RNF128: variants seen among roughly 807,000 people sequenced by gnomAD.
RNF128 encodes the protein ring finger protein 128, also known as E3 ubiquitin-protein ligase RNF128.
In RNF128, 13 loss-of-function variants were observed where a neutral mutation model predicts 26.2. The ratio of observed to expected loss-of-function variants is 0.50; its 90% CI spans 0.32 to 0.79. The LOEUF is 0.79. Ranked by LOEUF, RNF128 falls within the 30% of genes least tolerant of loss-of-function variation. The pLI is 0.03. For synonymous variants in RNF128, 149 were observed against 142.5 expected (o/e 1.05, Z -0.32); for missense variants, 315 against 349.7 (o/e 0.90, Z 0.79).
At chrX:106,695,051 A>G (rs1389935224) in intron 1 of RNF128, among the ~76,000 whole-genome samples, 1 of 111,694 alleles carries the variant, frequency 9.0e-6, no homozygotes, top group Non-Finnish European at 1.9e-5. Flanking sequence ...TTCTTAAGTA[A>G]ATAGAAACTT....
At chrX:106,779,465 TC>T (rs1355381313) in intron 2 of RNF128, among the ~76,000 whole-genome samples, 1 of 108,513 alleles carries the variant, frequency 9.2e-6, no homozygotes, top group Non-Finnish European at 1.9e-5. Context: ...CAGGATTTAT[TC>T]ATCTAAAAAA....
chrX:106,773,152 A>G lies in RNF128; in HGVS notation c.724A>G (p.Arg242Gly), dbSNP rs970188951. ...GCTACGGAATGCAAGAGCTCAAAGC[A>G]GGAAGCAGGTTTGTAATGGTCCTTT... ...RRLRNARAQS[R>G]KQRQLKADAK... The change falls in exon 2 of 7, where the codon AGG becomes GGG. Residue 242 changes from arginine (R) to glycine (G), a missense_variant. Physicochemically the swap from Arg to Gly is moderately radical, Grantham distance 125. Transcript: ENST00000255499. 8.3e-7 allele frequency: 1 copy of G among 1,206,792 alleles called. No individual in the cohort carries two copies. Among genetic ancestry groups the G allele is most frequent in the African/African-American group, 1.8e-5 (1 of 56,784 alleles).
chrX:106,710,031 C>A lies in RNF128; in HGVS notation c.406+15623C>A, dbSNP rs1425950961. Among the ~76,000 whole-genome samples the A allele has an allele frequency of 7.2e-5, 8 of 111,712 alleles. 1 individual carries two copies. The highest frequency in any genetic ancestry group is 2.6e-4 in the African/African-American group (8 of 30,724). On this transcript the variant is annotated intron_variant, in intron 1 of 6. Transcript: ENST00000324342. ...AGCCAAACAAAATGGCAAAAATGAA[C>A]AAACACTCCAATGTTCTAAATTTAC...
At chrX:106,729,348 G>C (rs1248482745) in intron 1 of RNF128, among the ~76,000 whole-genome samples, 2 of 110,673 alleles carry the variant, frequency 1.8e-5, no homozygotes, top group Admixed American at 9.6e-5. Context: ...ACTTTACTGA[G>C]CCTTGGATAC....
In RNF128 at chrX:106,726,925, G is replaced by A; in HGVS notation, c.12G>A (p.Pro4=). Residue 4 remains proline (P), a synonymous_variant, in exon 1 of 7, where the codon CCG becomes CCA. Transcript: ENST00000255499. MGP[P]PGAGVSCRGG... ...GGAGCGCGCGCGCCATGGGGCCGCC[G>A]CCTGGGGCCGGGGTCTCCTGCCGCG... 8.5e-7 allele frequency: 1 copy of A among 1,174,968 alleles called. No homozygotes were observed. The highest frequency in any genetic ancestry group is 3.1e-5 in the East Asian group (1 of 31,942).
At position 106,791,193 on chromosome X, in the gene RNF128, G is replaced by T. The variant is rs749990844; in HGVS notation, c.1112G>T (p.Gly371Val). ...TCATCTGGATATGCTTCAGTACAGG[G>T]AACAGATGAACCGCCTCTGGAGGAA... is the stretch of plus-strand genomic sequence containing the variant. ...TASSGYASVQGTDEPPLEEHV... is the reference protein window; with the variant it reads ...TASSGYASVQVTDEPPLEEHV... The change falls in exon 6 of 7, where the codon GGA becomes GTA. Residue 371 changes from glycine (G) to valine (V), a missense_variant. Physicochemically the swap from Gly to Val is moderately radical, Grantham distance 109 (BLOSUM62 -3). Coordinates refer to ENST00000255499, the MANE Select transcript of RNF128 (RefSeq NM_194463.2). 4.1e-6 allele frequency: 5 copies of T among 1,209,258 alleles called. No individual in the cohort carries two copies. In the Admixed American group the frequency reaches 1.1e-4, roughly 26 times the overall value.
At chrX:106,707,731 A>C (rs749392654) in intron 1 of RNF128, among the ~76,000 whole-genome samples, 1 of 110,322 alleles carries the variant, frequency 9.1e-6, no homozygotes, top group African/African-American at 3.3e-5. Context: ...TTCATCCTTC[A>C]TTAAAACAGC....
chrX:106,694,251 G>GCCC, exon 1 of RNF128: 2 of 1,210,990 alleles, frequency 1.7e-6, no homozygotes, highest in Non-Finnish European at 1.1e-6. Context: ...ACAACACTGA[G>GCCC]TTTAGTAATA....
At chrX:106,733,925 G>A (rs1032969662) in intron 1 of RNF128, among the ~76,000 whole-genome samples, 2 of 111,392 alleles carry the variant, frequency 1.8e-5, no homozygotes, top group Admixed American at 9.6e-5. Context: ...GGTCTCTAAC[G>A]CCTGACCTCA....
At chrX:106,739,626 A>G (rs1270195467) in intron 1 of RNF128, among the ~76,000 whole-genome samples, 1 of 112,093 alleles carries the variant, frequency 8.9e-6, no homozygotes, top group African/African-American at 3.2e-5. Flanking sequence ...GTGGTTCTAC[A>G]TGCTAGGTTT....
At chrX:106,785,432 T>C (rs1186470304) in intron 3 of RNF128, among the ~76,000 whole-genome samples, 1 of 111,537 alleles carries the variant, frequency 9.0e-6, no homozygotes, top group Non-Finnish European at 1.9e-5. Flanking sequence ...ATTCAAAATA[T>C]AATTGCAGTG....
intron 1 of RNF128, among the ~76,000 whole-genome samples, chrX:106,739,678 A>G (rs914051105): frequency 8.9e-6 from 1 of 111,893 alleles, no homozygotes; most frequent in East Asian, 2.8e-4. Flanking sequence ...TAGTGAAAAG[A>G]TAAGGACATA....
upstream of RNF128, among the ~76,000 whole-genome samples, chrX:106,724,322 A>G (rs761069651): frequency 3.4e-4 from 38 of 111,331 alleles, no homozygotes; most frequent in Admixed American, 8.6e-4. Flanking sequence ...AGCACTGCCA[A>G]CCATCTTCTG....
chrX:106,759,480 C>T (rs1786917023), intron 1 of RNF128, among the ~76,000 whole-genome samples: 1 of 111,668 alleles, frequency 9.0e-6, no homozygotes, highest in African/African-American at 3.2e-5. Context: ...GATGTCTACA[C>T]CCCCGTGTTT....
chrX:106,784,230 C>T (rs1390095647), intron 2 of RNF128, among the ~76,000 whole-genome samples: 1 of 111,538 alleles, frequency 9.0e-6, no homozygotes, highest in East Asian at 2.8e-4. Context: ...CAAATATCAC[C>T]TGGGATTTTT....
At chrX:106,784,931 TTAAG>T in intron 2 of RNF128, 130 bp from the exon 3 acceptor site, 1 of 458,519 alleles carries the variant, frequency 2.2e-6, no homozygotes, top group East Asian at 4.1e-5. Flanking sequence ...TTATGGCTAA[TTAAG>T]TTTTATCTTT....
At position 106,726,922 on chromosome X, in the gene RNF128, G is replaced by A. The variant is rs1382082353; in HGVS notation, c.9G>A (p.Pro3=). ...TGCGGAGCGCGCGCGCCATGGGGCC[G>A]CCGCCTGGGGCCGGGGTCTCCTGCC... is the stretch of plus-strand genomic sequence containing the variant. MG[P]PPGAGVSCRG... The change falls in exon 1 of 7, where the codon CCG becomes CCA. Residue 3 remains proline, a synonymous_variant. Coordinates refer to ENST00000255499, the MANE Select transcript of RNF128 (RefSeq NM_194463.2). 1.7e-6 allele frequency: 2 copies of A among 1,171,794 alleles called. No individual in the cohort carries two copies. The highest frequency in any genetic ancestry group is 2.5e-5 in the Admixed American group (1 of 39,777).
rs1455464405 is a variant in RNF128 at position 106,787,985 on chromosome X, G to A, written c.872G>A (p.Arg291His). 1.8e-5 allele frequency: 21 copies of A among 1,143,044 alleles called. No individual in the cohort carries two copies. Among genetic ancestry groups the A allele is most frequent in the Non-Finnish European group, 2.2e-5 (19 of 858,369 alleles). 94.2% of individuals were successfully genotyped at this position (1,143,044 alleles called of 1,213,427 possible). A position where few individuals can be genotyped will look rare whatever the true frequency, so the allele number is the denominator to read the frequency against. Residue 291 changes from arginine to histidine, a missense_variant, in exon 4 of 7, where the codon CGC becomes CAC. Physicochemically the swap from Arg to His is conservative, Grantham distance 29. Transcript: ENST00000255499. ...IELYKPNDLV[R>H]ILTCNHIFHK... ...TTGTATAAACCAAATGATTTGGTAC[G>A]CATCTTAACGTGCAAGTAAGTTTGA...
intron 1 of RNF128, among the ~76,000 whole-genome samples, chrX:106,733,010 A>G (rs945991021): frequency 9.0e-6 from 1 of 111,442 alleles, no homozygotes; most frequent in Non-Finnish European, 1.9e-5. Context: ...TATTTGGGGG[A>G]AAAGAAGCAT....
Sources: gnomAD v4.1 joint callset for allele counts (sites outside exome capture counted in the v4.1 genomes callset) on GRCh38, gnomAD v4.1.1 for gene constraint, MANE v1.5 for transcripts, NCBI Gene and HGNC (gene_info 2026-07-23, HGNC 2026-07-21) for gene names.